JAKMIP2: variants seen among roughly 807,000 people sequenced by gnomAD.
The protein encoded by JAKMIP2 is janus kinase and microtubule-interacting protein 2.
A neutral mutation model predicts 115.0 loss-of-function variants in JAKMIP2; 25 were observed. That is an observed-to-expected ratio of 0.22 (90% confidence interval 0.16 to 0.30). The LOEUF is 0.30. Ranked by LOEUF, JAKMIP2 falls within the 10% of genes least tolerant of loss-of-function variation. The pLI is 1.00. For synonymous variants in JAKMIP2, 334 were observed against 343.6 expected (o/e 0.97, Z 0.31); for missense variants, 642 against 957.6 (o/e 0.67, Z 4.35).
chr5:147,684,540 G>A (rs1173758191), intron 1 of JAKMIP2, among the ~76,000 whole-genome samples: 1 of 152,172 alleles, frequency 6.6e-6, no homozygotes, highest in Non-Finnish European at 1.5e-5. Flanking sequence ...AAAAAGGTAG[G>A]ACAAGTGGAG....
Position 147,587,322 on chromosome 5 carries a change from G to T in JAKMIP2, c.*4385C>A, listed in dbSNP as rs1179229029. On this transcript the variant is annotated 3_prime_UTR_variant, in exon 22 of 22. Coordinates refer to ENST00000616793, the MANE Select transcript of JAKMIP2 (RefSeq NM_001270941.2). ...AAATGATAGAATTAAACTGCCAAAA[G>T]CTGTCATTAATTACCAAAACACTGT... The T allele has an allele frequency of 1.3e-5, 2 of 151,928 alleles. No homozygotes were observed. Among genetic ancestry groups the T allele is most frequent in the African/African-American group, 4.8e-5 (2 of 41,336 alleles). 9.4% of individuals were successfully genotyped at this position (151,928 alleles called of 1,614,324 possible). A position where few individuals can be genotyped will look rare whatever the true frequency, so the allele number is the denominator to read the frequency against.
Position 147,650,467 on chromosome 5 carries a change from T to C in JAKMIP2, c.708A>G (p.Lys236=), listed in dbSNP as rs1163671227. Residue 236 remains lysine, a synonymous_variant, in exon 4 of 22, where the codon AAA becomes AAG. Transcript: ENST00000616793. ...ELETQTGYVQ[K]LQLQKEALDE... The stretch of plus-strand genomic sequence containing the variant: ...CCAAAGCCTCCTTCTGAAGTTGGAG[T>C]TTCTGTACATAGCCTGTCTGGGTCT... 6.2e-7 allele frequency: 1 copy of C among 1,613,778 alleles called. No individual in the cohort carries two copies. The highest frequency in any genetic ancestry group is 1.1e-5 in the South Asian group (1 of 91,072).
chr5:147,718,177 TTGCA>T (rs1457811740), intron 1 of JAKMIP2, among the ~76,000 whole-genome samples: 4 of 151,338 alleles, frequency 2.6e-5, no homozygotes, highest in Non-Finnish European at 5.9e-5. Context: ...TGAACCAGCC[TTGCA>T]TCCCAGGGAT....
chr5:147,718,606 T>A (rs1160193675), intron 1 of JAKMIP2, among the ~76,000 whole-genome samples: 1 of 151,560 alleles, frequency 6.6e-6, no homozygotes, highest in Non-Finnish European at 1.5e-5. Flanking sequence ...ATTTATCCAT[T>A]TCTTCTAGAT....
intron 1 of JAKMIP2, among the ~76,000 whole-genome samples, chr5:147,708,000 T>C (rs1752644434): frequency 6.6e-6 from 1 of 152,192 alleles, no homozygotes; most frequent in African/African-American, 2.4e-5. Flanking sequence ...AAGAGGGCAA[T>C]TTAAATTGGT....
chr5:147,664,408 CCT>C (rs1486099033), intron 2 of JAKMIP2, among the ~76,000 whole-genome samples: 3 of 152,114 alleles, frequency 2.0e-5, no homozygotes, highest in Non-Finnish European at 2.9e-5. Flanking sequence ...CCTGCTTCTC[CCT>C]CTCTGTCTCC....
rs2126533374 is a variant in JAKMIP2, at chr5:147,587,725, T to C, written c.*3982A>G. 1 of 152,172 alleles carries C rather than the reference T, an allele frequency of 6.6e-6. No individual in the cohort carries two copies. The highest frequency in any genetic ancestry group is 1.9e-4 in the East Asian group (1 of 5,182). The allele number at this position is 152,172 out of a possible 1,614,324, so 9.4% of individuals were successfully genotyped here. On this transcript the variant is annotated 3_prime_UTR_variant, in exon 22 of 22. Transcript: ENST00000616793. Reference sequence around the variant, plus strand: ...GTTTACAGGAAAATTTGACAGTCAATGGGCAAAAAGGAACAAGTTTGCCAG... The same window carrying C: ...GTTTACAGGAAAATTTGACAGTCAACGGGCAAAAAGGAACAAGTTTGCCAG...
At chr5:147,764,016 C>T (rs961549110) in intron 1 of JAKMIP2, among the ~76,000 whole-genome samples, 6 of 152,146 alleles carry the variant, frequency 3.9e-5, no homozygotes, top group African/African-American at 1.4e-4. Flanking sequence ...ACAGATAGCT[C>T]TGTGAGTAAC....
At chr5:147,706,067 A>G (rs533862131) in intron 1 of JAKMIP2, among the ~76,000 whole-genome samples, 2 of 152,334 alleles carry the variant, frequency 1.3e-5, no homozygotes, top group East Asian at 3.9e-4. Flanking sequence ...ATGCAATTAT[A>G]GTATTGCTTC....
intron 21 of JAKMIP2, among the ~76,000 whole-genome samples, chr5:147,598,690 G>A (rs565681561): frequency 8.5e-5 from 13 of 152,176 alleles, no homozygotes; most frequent in Admixed American, 2.6e-4. Flanking sequence ...TCTAGGGAGC[G>A]TTCGATGGCT....
chr5:147,710,763 T>C lies in JAKMIP2; in HGVS notation c.-148-38809A>G, dbSNP rs1282863022. Among the ~76,000 whole-genome samples the C allele has an allele frequency of 2.6e-5, 4 of 152,168 alleles. No individual in the cohort carries two copies. In the East Asian group the frequency reaches 7.7e-4, roughly 29 times the overall value. On this transcript the variant is annotated intron_variant, in intron 1 of 21. Transcript: ENST00000616793. Reference sequence around the variant, plus strand: ...AATTCAAAATTCACCAAGGCTCTGCTAAAGAAAAACATAAAATGATAGATG... The same window carrying C: ...AATTCAAAATTCACCAAGGCTCTGCCAAAGAAAAACATAAAATGATAGATG...
intron 1 of JAKMIP2, among the ~76,000 whole-genome samples, chr5:147,700,805 T>C (rs974743191): frequency 1.3e-5 from 2 of 152,204 alleles, no homozygotes; most frequent in African/African-American, 2.4e-5. Flanking sequence ...TTGCTTTCTT[T>C]TGTAGCTCTC....
intron 1 of JAKMIP2, among the ~76,000 whole-genome samples, chr5:147,682,048 A>G (rs2126835044): frequency 6.7e-6 from 1 of 149,380 alleles, no homozygotes; most frequent in South Asian, 2.2e-4. Context: ...TCAAAAAAAA[A>G]AAAAAGAAAG....
At chr5:147,748,527 A>G (rs191027177) in intron 1 of JAKMIP2, among the ~76,000 whole-genome samples, 1 of 152,334 alleles carries the variant, frequency 6.6e-6, no homozygotes, top group East Asian at 1.9e-4. Flanking sequence ...TGAGCTGCAG[A>G]CATAGATAAG....
At chr5:147,617,818 G>T in intron 19 of JAKMIP2, 93 bp downstream of exon 19, 1 of 921,452 alleles carries the variant, frequency 1.1e-6, no homozygotes, top group Non-Finnish European at 1.7e-6. Context: ...TATCTCCTGG[G>T]CTTCTCCGTA....
intron 2 of JAKMIP2, among the ~76,000 whole-genome samples, chr5:147,671,054 G>C (rs1759557893): frequency 6.6e-6 from 1 of 152,198 alleles, no homozygotes; most frequent in Non-Finnish European, 1.5e-5. Flanking sequence ...TCTGAAAGAG[G>C]TGAGTGAAGG....
chr5:147,672,768 G>A (rs1717832303), intron 1 of JAKMIP2, among the ~76,000 whole-genome samples: 1 of 152,306 alleles, frequency 6.6e-6, no homozygotes, highest in South Asian at 2.1e-4. Flanking sequence ...ATAACAGATG[G>A]AGAAACAGGT....
At chr5:147,713,156 A>AT (rs1002779027) in intron 1 of JAKMIP2, among the ~76,000 whole-genome samples, 8 of 151,506 alleles carry the variant, frequency 5.3e-5, no homozygotes, top group Non-Finnish European at 1.2e-4. Flanking sequence ...GCTAGACCAG[A>AT]TTTTTTTTTA....
chr5:147,644,498 C>T (rs990998442), intron 6 of JAKMIP2, among the ~76,000 whole-genome samples: 2 of 152,154 alleles, frequency 1.3e-5, no homozygotes, highest in South Asian at 2.1e-4. Context: ...ATATCATGCA[C>T]GATCTTAGAA....
Sources: allele counts gnomAD v4.1 joint callset (sites outside exome capture counted in the v4.1 genomes callset), GRCh38; gene constraint gnomAD v4.1.1; transcripts MANE v1.5; gene names NCBI Gene and HGNC (gene_info 2026-07-23, HGNC 2026-07-21).